FUT8: variants seen among roughly 807,000 people sequenced by gnomAD.
FUT8 encodes alpha-(1,6)-fucosyltransferase.
FUT8 carries 29 observed loss-of-function variants against 71.3 expected under a neutral mutation model. The ratio of observed to expected loss-of-function variants is 0.41; its 90% CI spans 0.30 to 0.55. The LOEUF is 0.55. Ranked by LOEUF, FUT8 falls within the 20% of genes least tolerant of loss-of-function variation. FUT8 has a pLI of 0.34. For missense variants in FUT8, 544 were observed against 702.1 expected (o/e 0.77, Z 2.55); for synonymous variants, 254 against 239.3 (o/e 1.06, Z -0.57).
chr14:65,637,581 G>A (rs1566867562), intron 6 of FUT8, among the ~76,000 whole-genome samples: 1 of 152,084 alleles, frequency 6.6e-6, no homozygotes, highest in Non-Finnish European at 1.5e-5. Flanking sequence ...AGAAATAACA[G>A]TAAAGATTTA....
chr14:65,680,858 TATAGGATATAAGCTCCTTCACATA>T (rs1893002723), intron 7 of FUT8, among the ~76,000 whole-genome samples: 1 of 152,204 alleles, frequency 6.6e-6, no homozygotes, highest in Non-Finnish European at 1.5e-5. Context: ...TTGCTTAGAA[TATAGGATATAAGCTCCTTCACATA>T]AACAGCCTGC....
intron 2 of FUT8, among the ~76,000 whole-genome samples, chr14:65,475,268 C>T (rs1244200717): frequency 6.6e-6 from 1 of 152,098 alleles, no homozygotes; most frequent in Non-Finnish European, 1.5e-5. Flanking sequence ...CCCTGATTTC[C>T]TCTATAATAA....
rs554834967 is a variant in FUT8 at position 65,605,840 on chromosome 14, T to C, written c.204-10138T>C. Among the ~76,000 whole-genome samples, 3 of 151,996 alleles carry C rather than the reference T, an allele frequency of 2.0e-5. No homozygotes were observed. In the South Asian group the frequency reaches 6.2e-4, roughly 32 times the overall value. On this transcript the variant is annotated intron_variant, in intron 3 of 10. Transcript: ENST00000673929. ...CTCTGTTTCAATTTAAATATCCTGG[T>C]TACCAAAAATGCTGATCATTTCTCA...
At chr14:65,655,102 C>T (rs1891606131) in intron 6 of FUT8, among the ~76,000 whole-genome samples, 1 of 151,770 alleles carries the variant, frequency 6.6e-6, no homozygotes, top group Non-Finnish European at 1.5e-5. Context: ...AAGAAACTAA[C>T]TTCACATATA....
At chr14:65,396,890 A>G in the FUT8 span, among the ~76,000 whole-genome samples, 1 of 152,206 alleles carries the variant, frequency 6.6e-6, no homozygotes, top group Non-Finnish European at 1.5e-5. This position sits in a 1 kb window ranked among gnomAD's most constrained non-coding sequence, Gnocchi z 5.5. Flanking sequence ...GCTGGAGTGC[A>G]GTGGCTGTTT....
intron 2 of FUT8, chr14:65,528,863 A>C (rs1883722523): frequency 6.6e-6 from 1 of 152,344 alleles, no homozygotes; most frequent in African/African-American, 2.4e-5. Flanking sequence ...CATCATCTTG[A>C]GTATCATAAG....
At chr14:65,732,510 C>T (rs943913377) in intron 9 of FUT8, among the ~76,000 whole-genome samples, 2 of 152,184 alleles carry the variant, frequency 1.3e-5, no homozygotes, top group Non-Finnish European at 2.9e-5. Flanking sequence ...ATTTATTCCT[C>T]CTCTATTATA....
At chr14:65,689,096 A>G (rs2140430447) in intron 7 of FUT8, among the ~76,000 whole-genome samples, 1 of 152,364 alleles carries the variant, frequency 6.6e-6, no homozygotes, top group East Asian at 1.9e-4. Flanking sequence ...AGTCCATAAC[A>G]GTGATTATAC....
chr14:65,687,362 T>C (rs903678464), intron 7 of FUT8, among the ~76,000 whole-genome samples: 6 of 152,222 alleles, frequency 3.9e-5, no homozygotes, highest in Non-Finnish European at 8.8e-5. Context: ...ATTGTGTTAA[T>C]TGGACAGTAG....
At chr14:65,402,464 C>G in the FUT8 span, among the ~76,000 whole-genome samples, 4 of 151,094 alleles carry the variant, frequency 2.6e-5, no homozygotes, top group Non-Finnish European at 5.9e-5. Context: ...GTCAGGAGAT[C>G]GAGACCATCT....
intron 1 of FUT8, among the ~76,000 whole-genome samples, chr14:65,415,629 G>A (rs1467456573): frequency 1.3e-5 from 2 of 151,066 alleles, no homozygotes; most frequent in Admixed American, 6.6e-5. Context: ...TTATATGGGC[G>A]AAGGTATTAA....
chr14:65,511,928 G>T (rs1882371323), intron 2 of FUT8, among the ~76,000 whole-genome samples: 2 of 152,214 alleles, frequency 1.3e-5, no homozygotes, highest in Non-Finnish European at 1.5e-5. Context: ...ACTTATTCCT[G>T]CCATTTTGTA....
At chr14:65,460,768 T>G (rs2065958288) in intron 2 of FUT8, among the ~76,000 whole-genome samples, 1 of 152,180 alleles carries the variant, frequency 6.6e-6, no homozygotes, top group African/African-American at 2.4e-5. Flanking sequence ...TTGTTTTAAG[T>G]TGGATCTTTC....
chr14:65,433,406 G>T (rs1320609757), intron 1 of FUT8, among the ~76,000 whole-genome samples: 2 of 152,202 alleles, frequency 1.3e-5, no homozygotes, highest in African/African-American at 4.8e-5. Flanking sequence ...AGGCTTATTA[G>T]GAGTGTGCTA....
At chr14:65,722,044 C>T in intron 8 of FUT8, 23 bp downstream of exon 8, 1 of 1,611,738 alleles carries the variant, frequency 6.2e-7, no homozygotes, top group Non-Finnish European at 8.5e-7. Flanking sequence ...TTTTTTCCCT[C>T]AAACTGTGAT....
chr14:65,739,163 G>A (rs879874307), intron 10 of FUT8, among the ~76,000 whole-genome samples: 2 of 152,060 alleles, frequency 1.3e-5, no homozygotes, highest in Admixed American at 1.3e-4. Context: ...GAGACAAGGT[G>A]AGGGAAGAGC....
chr14:65,561,489 A>T lies in FUT8; in HGVS notation c.-75A>T. Reference sequence around the variant, plus strand: ...ACAGAAGTCTATTCACCTGTGCACTAACTAGAAACAGAGTTACAATGTTTT... The same window carrying T: ...ACAGAAGTCTATTCACCTGTGCACTTACTAGAAACAGAGTTACAATGTTTT... On this transcript the variant is annotated 5_prime_UTR_variant, in exon 3 of 11. Coordinates refer to ENST00000673929, the MANE Select transcript of FUT8 (RefSeq NM_001371533.1). 7.2e-7 allele frequency: 1 copy of T among 1,392,948 alleles called. No homozygotes were observed. The highest frequency in any genetic ancestry group is 1.0e-6 in the Non-Finnish European group (1 of 988,636). 86.3% of individuals were successfully genotyped at this position (1,392,948 alleles called of 1,614,324 possible).
chr14:65,688,405 A>G (rs1893406372), intron 7 of FUT8, among the ~76,000 whole-genome samples: 1 of 150,556 alleles, frequency 6.6e-6, no homozygotes, highest in Non-Finnish European at 1.5e-5. Context: ...CTTTTTTGTA[A>G]CTTTACAGCT....
chr14:65,385,811 G>A, the FUT8 span, among the ~76,000 whole-genome samples: 4 of 152,118 alleles, frequency 2.6e-5, no homozygotes, highest in African/African-American at 9.6e-5. Flanking sequence ...CAAAGTGCTA[G>A]GATTACAGGC....
Sources: gnomAD v4.1 joint callset for allele counts (sites outside exome capture counted in the v4.1 genomes callset) on GRCh38, gnomAD v4.1.1 for gene constraint, Gnocchi (gnomAD v3.1) non-coding constraint, MANE v1.5 for transcripts, NCBI Gene and HGNC (gene_info 2026-07-23, HGNC 2026-07-21) for gene names.